PTPN21: variants seen among roughly 807,000 people sequenced by gnomAD.
PTPN21 encodes the protein tyrosine-protein phosphatase non-receptor type 21.
PTPN21 carries 77 observed loss-of-function variants against 131.8 expected under a neutral mutation model. The ratio of observed to expected loss-of-function variants is 0.58; its 90% CI spans 0.49 to 0.71. PTPN21 has a LOEUF of 0.71. Among genes scored for constraint, PTPN21 ranks in the 30% least tolerant of loss-of-function variants. The pLI is 0.00. For missense variants in PTPN21, 1,552 were observed against 1,527.1 expected (o/e 1.02, Z -0.27); for synonymous variants, 715 against 621.3 (o/e 1.15, Z -2.24).
chr14:88,486,190 C>A (rs73315917), intron 10 of PTPN21, among the ~76,000 whole-genome samples: 5,607 of 152,262 alleles, frequency 0.037, 349 homozygotes, highest in African/African-American at 0.13. Context: ...CACCCACACA[C>A]TTGTCGCAGG....
At position 88,467,432 on chromosome 14, in the gene PTPN21, C is replaced by T. The variant is rs549475202; in HGVS notation, c.*705G>A. The T allele has an allele frequency of 6.6e-6, 1 of 152,254 alleles. No individual in the cohort carries two copies. The highest frequency in any genetic ancestry group is 1.5e-5 in the Non-Finnish European group (1 of 68,028). The allele number at this position is 152,254 out of a possible 1,614,324, so 9.4% of individuals were successfully genotyped here. On this transcript the variant is annotated 3_prime_UTR_variant, in exon 19 of 19. Transcript: ENST00000556564. The stretch of plus-strand genomic sequence containing the variant: ...GCCTTCATCCTCAACTTTACATTAA[C>T]TGACTCATTTCAGTATCTAAATGAA...
chr14:88,521,436 C>T (rs1255492359), intron 2 of PTPN21, among the ~76,000 whole-genome samples: 1 of 151,482 alleles, frequency 6.6e-6, no homozygotes, highest in African/African-American at 2.4e-5. Context: ...GAGTTTCACT[C>T]TTGTTGCCCA....
rs771653426 is a variant in PTPN21 at position 88,469,045 on chromosome 14, G to A, written c.3267C>T (p.Arg1089=). Reference sequence around the variant, plus strand: ...GGGGATCACTTGTGCTATTTGTATGGCGTCGAACAGACTGGATCTCTTCAA... The same window carrying A: ...GGGGATCACTTGTGCTATTTGTATGACGTCGAACAGACTGGATCTCTTCAA... ...SYLEEIQSVR[R]HTNSTSDPQS... Residue 1089 remains arginine (R), a synonymous_variant, in exon 18 of 19, where the codon CGC becomes CGT. Transcript: ENST00000556564. This position sits in a 1 kb window ranked among gnomAD's most constrained non-coding sequence, Gnocchi z 4.3. 4 of 1,614,038 alleles carry A rather than the reference G, an allele frequency of 2.5e-6. No homozygotes were observed. Among genetic ancestry groups the A allele is most frequent in the Non-Finnish European group, 3.4e-6 (4 of 1,179,920 alleles).
chr14:88,542,042 T>C (rs2078714439), intron 2 of PTPN21, among the ~76,000 whole-genome samples: 1 of 152,186 alleles, frequency 6.6e-6, no homozygotes, highest in Non-Finnish European at 1.5e-5. Context: ...AAGGGGTCCA[T>C]GACCGCCACA....
At position 88,479,216 on chromosome 14, in the gene PTPN21, G is replaced by A; in HGVS notation, c.2215C>T (p.Leu739=). 1 of 1,598,516 alleles carries A rather than the reference G, an allele frequency of 6.3e-7. No individual in the cohort carries two copies. The highest frequency in any genetic ancestry group is 8.5e-7 in the Non-Finnish European group (1 of 1,172,676). Reference sequence around the variant, plus strand: ...GGGCAGCCAGGTGGGTCCTGGGCCAGGCCGGGCCGAGGCTCGCGCGCACGT... The same window carrying A: ...GGGCAGCCAGGTGGGTCCTGGGCCAAGCCGGGCCGAGGCTCGCGCGCACGT... ...PARAREPRPG[L]AQDPPGCPRV... Residue 739 remains leucine (L), a synonymous_variant, in exon 13 of 19, where the codon CTG becomes TTG. Transcript: ENST00000556564.
intron 1 of PTPN21, chr14:88,551,406 CA>C (rs1414600535): frequency 6.6e-6 from 1 of 152,226 alleles, no homozygotes; most frequent in East Asian, 1.9e-4. Flanking sequence ...CCAAGAAGCC[CA>C]CGGGGCCTTG....
At chr14:88,546,396 TAAAAA>T (rs34744168) in intron 2 of PTPN21, among the ~76,000 whole-genome samples, 3 of 142,120 alleles carry the variant, frequency 2.1e-5, no homozygotes, top group African/African-American at 7.9e-5. Context: ...CATCTCTACT[TAAAAA>T]AAAAAAAAAT....
intron 2 of PTPN21, among the ~76,000 whole-genome samples, chr14:88,538,127 T>C (rs1177722229): frequency 6.6e-6 from 1 of 152,206 alleles, no homozygotes; most frequent in East Asian, 1.9e-4. Flanking sequence ...GCTAATATGC[T>C]CTATGTGCTA....
chr14:88,526,301 G>C (rs1033850536), intron 2 of PTPN21, among the ~76,000 whole-genome samples: 3 of 152,090 alleles, frequency 2.0e-5, no homozygotes, highest in Non-Finnish European at 2.9e-5. Flanking sequence ...TATAATCCCA[G>C]CACTTTGGGA....
intron 14 of PTPN21, 111 bp from the exon 15 acceptor site, chr14:88,472,576 T>C (rs1054540121): frequency 2.2e-5 from 16 of 721,840 alleles, no homozygotes; most frequent in Non-Finnish European, 3.0e-5. Context: ...CTGTATAATA[T>C]TGAAAATTCT....
At chr14:88,528,908 C>T (rs902514098) in intron 2 of PTPN21, among the ~76,000 whole-genome samples, 10 of 152,168 alleles carry the variant, frequency 6.6e-5, no homozygotes, top group African/African-American at 1.2e-4. Flanking sequence ...TCTAGGTATA[C>T]GTTCATATCA....
At chr14:88,511,409 A>C (rs1470526189) in intron 3 of PTPN21, among the ~76,000 whole-genome samples, 1 of 152,058 alleles carries the variant, frequency 6.6e-6, no homozygotes, top group East Asian at 1.9e-4. Context: ...GCGGTGGCTC[A>C]TGCCTGTAAT....
intron 2 of PTPN21, among the ~76,000 whole-genome samples, chr14:88,518,285 T>C (rs35340306): frequency 0.54 from 36,336 of 67,240 alleles, 10,895 homozygotes; most frequent in Non-Finnish European, 0.67. Flanking sequence ...CACACACACA[T>C]ACGCACACAC....
intron 2 of PTPN21, among the ~76,000 whole-genome samples, chr14:88,519,052 G>A (rs1015568406): frequency 6.6e-6 from 1 of 151,930 alleles, no homozygotes; most frequent in South Asian, 2.1e-4. Flanking sequence ...GTAAAATAAC[G>A]TTAGTGTATT....
intron 13 of PTPN21, among the ~76,000 whole-genome samples, chr14:88,474,131 C>CCAAAAAAAAAAAAAAAAAAAAAAA (rs1555382614): frequency 2.1e-5 from 1 of 46,686 alleles, no homozygotes; most frequent in African/African-American, 7.9e-5. Flanking sequence ...AGCTGAAGTC[C>CCAAAAAAAAAAAAAAAAAAAAAAA]AAAAAAAAAA....
chr14:88,514,590 G>A (rs1395589635), intron 3 of PTPN21, among the ~76,000 whole-genome samples: 1 of 151,516 alleles, frequency 6.6e-6, no homozygotes, highest in Non-Finnish European at 1.5e-5. Context: ...TCAGCCTCCC[G>A]AGTAGTTGGG....
chr14:88,544,550 G>A (rs942315188), intron 2 of PTPN21, among the ~76,000 whole-genome samples: 3 of 152,078 alleles, frequency 2.0e-5, no homozygotes, highest in Non-Finnish European at 2.9e-5. Flanking sequence ...CTATCAAGTA[G>A]GTACTATTAT....
At position 88,472,356 on chromosome 14, in the gene PTPN21, T is replaced by C; in HGVS notation, c.2759A>G (p.Glu920Gly). Reference protein sequence around the residue: ...DGECSTARLPENAERNRFQDV... With the variant: ...DGECSTARLPGNAERNRFQDV... ...TTGGAATCGATTTCTTTCTGCATTT[T>C]CAGGGAGTCGTGCTGTTGAGCACTC... Residue 920 changes from glutamate (E) to glycine (G), a missense_variant, in exon 15 of 19, where the codon GAA (glutamate) becomes GGA (glycine). Physicochemically the swap from Glu to Gly is moderately conservative, Grantham distance 98 (BLOSUM62 -2). Transcript: ENST00000556564. The C allele has an allele frequency of 1.2e-6, 2 of 1,614,020 alleles. No individual in the cohort carries two copies. Among genetic ancestry groups the C allele is most frequent in the Non-Finnish European group, 1.7e-6 (2 of 1,179,876 alleles).
chr14:88,474,155 A>AC (rs2077515375), intron 13 of PTPN21, among the ~76,000 whole-genome samples: 2 of 97,832 alleles, frequency 2.0e-5, no homozygotes, highest in South Asian at 3.2e-4. Context: ...AAAAAAAAAA[A>AC]CAAAAGCTTT....
Sources: gnomAD v4.1 joint callset for allele counts (sites outside exome capture counted in the v4.1 genomes callset) on GRCh38, gnomAD v4.1.1 for gene constraint, Gnocchi (gnomAD v3.1) non-coding constraint, MANE v1.5 for transcripts, NCBI Gene and HGNC (gene_info 2026-07-23, HGNC 2026-07-21) for gene names.